Variants in MASP2 observed in about 807,000 individuals in gnomAD.
MASP2 encodes the protein MBL associated serine protease 2.
Under a neutral mutation model 57.1 loss-of-function variants are expected in MASP2, and 49 were observed. That is an observed-to-expected ratio of 0.86 (90% CI 0.68 to 1.09). The LOEUF (loss-of-function observed/expected upper bound fraction) is 1.09. MASP2 is among the 50% of genes least tolerant of loss of function. The pLI is 0.00. For synonymous variants in MASP2, 379 were observed against 340.8 expected, an observed-to-expected ratio of 1.11 and a Z score of -1.24; for missense variants, 900 against 874.8, an observed-to-expected ratio of 1.03 and a Z score of -0.36.
chr1:11,035,552 C>CATT (rs1643880656), intron 7 of MASP2, among the ~76,000 whole-genome samples: 1 of 150,778 alleles, frequency 6.6e-6, no homozygotes, highest in African/African-American at 2.4e-5. Flanking sequence ...TCATCATCAT[C>CATT]ATCATATCTC....
chr1:11,031,753 CCT>C (rs1320759996), intron 8 of MASP2, among the ~76,000 whole-genome samples: 2 of 151,294 alleles, frequency 1.3e-5, no homozygotes, highest in African/African-American at 4.9e-5. Flanking sequence ...ATAGCGAAAC[CCT>C]CTCTACAAAA....
chr1:11,036,458 T>C (rs529230094), intron 7 of MASP2, among the ~76,000 whole-genome samples: 22 of 136,220 alleles, frequency 1.6e-4, no homozygotes, highest in Non-Finnish European at 3.0e-4. Flanking sequence ...GAGCCGAGAT[T>C]GCGCCACTGC....
Position 11,047,085 on chromosome 1 carries a change from C to T in MASP2, c.40G>A (p.Val14Met). Reference protein sequence around the residue: ...LTLLGLLCGSVATPLGPKWPE... With the variant: ...LTLLGLLCGSMATPLGPKWPE... ...CACTTCGGGCCCAAGGGGGTGGCCA[C>T]CGAGCCACACAGAAGGCCCAGGAGG... The change falls in exon 2 of 11, where the codon GTG (valine) becomes ATG (methionine). Residue 14 changes from valine to methionine, a missense_variant. Transcript: ENST00000400897. 1 of 1,549,556 alleles carries T rather than the reference C, an allele frequency of 6.5e-7. No homozygotes were observed. Among genetic ancestry groups the T allele is most frequent in the Non-Finnish European group, 8.7e-7 (1 of 1,146,646 alleles).
Position 11,027,415 on chromosome 1 carries a change from G to T in MASP2, c.1531C>A (p.Gln511Lys), listed in dbSNP as rs1182301812. 1 of 1,614,090 alleles carries T rather than the reference G, an allele frequency of 6.2e-7. No individual in the cohort carries two copies. The highest frequency in any genetic ancestry group is 1.7e-5 in the Admixed American group (1 of 60,000). ...ATAAAAACAGCTTCAGACCAGGCTT[G>T]TGTATAATGAGGTGATAGTCTTTTC... Reference protein sequence around the residue: ...TLKRLSPHYTQAWSEAVFIHE... With the variant: ...TLKRLSPHYTKAWSEAVFIHE... The change falls in exon 11 of 11, where the codon CAA becomes AAA. Residue 511 changes from glutamine (Q) to lysine (K), a missense_variant. By Grantham distance (53) the Gln-to-Lys change is moderately conservative. Coordinates refer to ENST00000400897, the MANE Select transcript of MASP2 (RefSeq NM_006610.4).
At chr1:11,038,261 T>G (rs985236088) in intron 6 of MASP2, among the ~76,000 whole-genome samples, 1 of 152,200 alleles carries the variant, frequency 6.6e-6, no homozygotes, top group African/African-American at 2.4e-5. Flanking sequence ...TTTCTTCATC[T>G]GCAAGATGGG....
intron 8 of MASP2, among the ~76,000 whole-genome samples, chr1:11,033,370 C>T (rs1026434564): frequency 2.6e-5 from 4 of 151,668 alleles, no homozygotes; most frequent in Admixed American, 6.6e-5. Context: ...TCAGGCTGGG[C>T]GCTGTGGCTC....
intron 4 of MASP2, chr1:11,044,821 T>G: frequency 6.5e-7 from 1 of 1,546,700 alleles, no homozygotes; most frequent in South Asian, 1.2e-5. Flanking sequence ...GGTTTATTAT[T>G]GGGTCCATGG....
chr1:11,037,167 C>T (rs1049145532), intron 7 of MASP2, among the ~76,000 whole-genome samples: 3 of 152,096 alleles, frequency 2.0e-5, no homozygotes, highest in African/African-American at 4.8e-5. Context: ...ATTCTCCTGC[C>T]TCAGCCACCC....
rs762078074 is a variant in MASP2, at chr1:11,033,926, GACAC to G, written c.1087+898_1087+901del. ...AGCCTGGGTGACAGAGTGAGACTCC[GACAC>G]ACACACACACACACACACACACACA... On this transcript the variant is annotated intron_variant, in intron 8 of 10. Coordinates refer to ENST00000400897, the MANE Select transcript of MASP2 (RefSeq NM_006610.4). Among the ~76,000 whole-genome samples the G allele has an allele frequency of 1.7e-3, 245 of 140,098 alleles. 2 individuals carry two copies. Among genetic ancestry groups the G allele is most frequent in the South Asian group, 7.8e-3 (33 of 4,258 alleles). The allele number at this position is 140,098 out of a possible 152,430, so 91.9% of individuals were successfully genotyped here.
chr1:11,036,976 CA>C lies in MASP2; in HGVS notation c.1008+716del, dbSNP rs1638261444. On this transcript the variant is annotated intron_variant, in intron 7 of 10. Coordinates refer to ENST00000400897, the MANE Select transcript of MASP2 (RefSeq NM_006610.4). ...GGCACATGGAACAGGATAGCAAACTCATCTTTCTGTCATTCCAGCCACTTCA... is the reference window on the plus strand; with the variant it reads ...GGCACATGGAACAGGATAGCAAACTCTCTTTCTGTCATTCCAGCCACTTCA... 2.0e-5 allele frequency among the ~76,000 whole-genome samples: 3 copies of C among 152,268 alleles called. No individual in the cohort carries two copies. In the South Asian group the frequency reaches 6.2e-4, roughly 32 times the overall value.
intron 3 of MASP2, chr1:11,045,915 G>A (rs1380693601): frequency 7.8e-6 from 2 of 255,606 alleles, no homozygotes; most frequent in African/African-American, 4.4e-5. Flanking sequence ...GTTGGTCTCT[G>A]CAGGGACTGG....
chr1:11,043,255 TG>T, intron 5 of MASP2, 83 bp downstream of exon 5: 1 of 1,242,358 alleles, frequency 8.0e-7, no homozygotes, highest in Non-Finnish European at 1.1e-6. Context: ...GGGAACGTGG[TG>T]GGGGCCATGC....
In MASP2 at chr1:11,030,336, A is replaced by C. The variant is rs372167541; in HGVS notation, c.1223-86T>G. On this transcript the variant is annotated intron_variant, in intron 9 of 10. Transcript: ENST00000400897. ...TTGAATACCCCCTTGAAAAATGTTG[A>C]TTCTTGAGCATCAGTGGGACATAGA... is the stretch of plus-strand genomic sequence containing the variant. The C allele has an allele frequency of 1.6e-4, 144 of 907,632 alleles. No individual in the cohort carries two copies. In the African/African-American group the frequency reaches 2.1e-3, roughly 13 times the overall value. 56.2% of individuals were successfully genotyped at this position (907,632 alleles called of 1,614,324 possible). A position where few individuals can be genotyped will look rare whatever the true frequency, so the allele number is the denominator to read the frequency against.
chr1:11,045,523 C>T lies in MASP2; in HGVS notation c.429G>A (p.Gln143=). ...FYAAEDIDEC[Q]VAPGEAPTCD... Reference sequence around the variant, plus strand: ...AGGTGGGCGCCTCTCCCGGGGCCACCTGGCACTCGTCAATGTCTGGGGGAG... The same window carrying T: ...AGGTGGGCGCCTCTCCCGGGGCCACTTGGCACTCGTCAATGTCTGGGGGAG... The change falls in exon 4 of 11, where the codon CAG becomes CAA. Residue 143 remains glutamine, a synonymous_variant. Coordinates refer to ENST00000400897, the MANE Select transcript of MASP2 (RefSeq NM_006610.4). The T allele has an allele frequency of 6.2e-7, 1 of 1,608,062 alleles. No individual in the cohort carries two copies. The highest frequency in any genetic ancestry group is 8.5e-7 in the Non-Finnish European group (1 of 1,178,458).
Position 11,027,290 on chromosome 1 carries a change from A to G in MASP2, c.1656T>C (p.Cys552=). 1 of 1,613,902 alleles carries G rather than the reference A, an allele frequency of 6.2e-7. No homozygotes were observed. The highest frequency in any genetic ancestry group is 8.5e-7 in the Non-Finnish European group (1 of 1,179,894). ...VVINSNITPI[C]LPRKEAESFM... ...AGGATTCAGCTTCTTTTCTTGGCAG[A>G]CAAATAGGCGTGATGTTGCTATTGA... The change falls in exon 11 of 11, where the codon TGT becomes TGC. Residue 552 remains cysteine, a synonymous_variant. Coordinates refer to ENST00000400897, the MANE Select transcript of MASP2 (RefSeq NM_006610.4).
chr1:11,042,756 A>C, intron 6 of MASP2, 119 bp downstream of exon 6: 1 of 1,178,594 alleles, frequency 8.5e-7, no homozygotes, highest in South Asian at 1.5e-5. Context: ...ACACCACTAA[A>C]CCTGGTGTCC....
intron 7 of MASP2, among the ~76,000 whole-genome samples, chr1:11,036,874 CT>C (rs1638257368): frequency 6.6e-6 from 1 of 152,026 alleles, no homozygotes; most frequent in Non-Finnish European, 1.5e-5. Flanking sequence ...GGGCTGTCTA[CT>C]TTTTTGTGGG....
rs1643742972 is a variant in MASP2 at position 11,026,925 on chromosome 1, T to TTAA, written c.2018_2020dup (p.Ile673dup). 1 of 1,506,328 alleles carries TTAA rather than the reference T, an allele frequency of 6.6e-7. No homozygotes were observed. Among genetic ancestry groups the TTAA allele is most frequent in the Non-Finnish European group, 8.9e-7 (1 of 1,128,728 alleles). The allele number at this position is 1,506,328 out of a possible 1,614,324, so 93.3% of individuals were successfully genotyped here. On this transcript the variant is annotated inframe_insertion, in exon 11 of 11. Transcript: ENST00000400897. The stretch of plus-strand genomic sequence containing the variant: ...TATGTTCTCGATCCAGGGAATATAG[T>TTAA]TAATAACTTTTGTGTAGACTCCATA...
intron 3 of MASP2, chr1:11,046,327 T>G (rs1638636465): frequency 3.4e-6 from 2 of 591,944 alleles, no homozygotes; most frequent in Non-Finnish European, 6.0e-6. Context: ...CCTGCGTCAC[T>G]TGAGGCGATG....
Sources: gnomAD v4.1 joint callset for allele counts (sites outside exome capture counted in the v4.1 genomes callset) on GRCh38, gnomAD v4.1.1 for gene constraint, MANE v1.5 for transcripts, NCBI Gene and HGNC (gene_info 2026-07-23, HGNC 2026-07-21) for gene names.